The following HSF2BP variants were observed in gnomAD, a reference collection of about 807,000 sequenced individuals.
The protein encoded by HSF2BP is heat shock factor 2-binding protein.
Under a neutral mutation model 35.0 loss-of-function variants are expected in HSF2BP, and 35 were observed. The observed-to-expected ratio is 1.00, with a 90% CI of 0.76 to 1.32. The LOEUF is 1.32. HSF2BP is among the 40% of genes most tolerant of loss of function. HSF2BP has a pLI of 0.00. For missense variants in HSF2BP, 326 were observed against 321.7 expected (o/e 1.01, Z -0.10); for synonymous variants, 114 against 117.4 (o/e 0.97, Z 0.18).
At chr21:43,501,206 G>A in the HSF2BP span, among the ~76,000 whole-genome samples, 6 of 109,986 alleles carry the variant, frequency 5.5e-5, 1 homozygote, top group African/African-American at 2.6e-4. Flanking sequence ...GAGGTCAACT[G>A]CAGTCTGAAA....
chr21:43,584,277 G>C (rs1352140317), intron 8 of HSF2BP, among the ~76,000 whole-genome samples: 1 of 152,148 alleles, frequency 6.6e-6, no homozygotes, highest in Non-Finnish European at 1.5e-5. Flanking sequence ...CCATGCACTG[G>C]AGACTCTGGA....
At chr21:43,654,276 G>C (rs1234815539) in intron 3 of HSF2BP, among the ~76,000 whole-genome samples, 2 of 152,176 alleles carry the variant, frequency 1.3e-5, no homozygotes, top group African/African-American at 4.8e-5. Context: ...TCCCACTCTT[G>C]CCTGCAGGAT....
chr21:43,648,629 C>T (rs1183073720), intron 3 of HSF2BP, among the ~76,000 whole-genome samples: 1 of 152,256 alleles, frequency 6.6e-6, no homozygotes, highest in Admixed American at 6.5e-5. Flanking sequence ...ATCTGGGCCA[C>T]AATAAACTCC....
intron 8 of HSF2BP, among the ~76,000 whole-genome samples, chr21:43,585,867 T>C (rs186991563): frequency 1.3e-5 from 2 of 152,190 alleles, no homozygotes; most frequent in East Asian, 3.9e-4. Context: ...TGAGGGAAGA[T>C]TAGGGGTTTA....
chr21:43,616,731 A>C (rs1370359170), intron 6 of HSF2BP, among the ~76,000 whole-genome samples: 19 of 152,182 alleles, frequency 1.2e-4, no homozygotes, highest in Admixed American at 1.2e-3. Flanking sequence ...CTGGAGATCA[A>C]GATCATCCTG....
intron 4 of HSF2BP, among the ~76,000 whole-genome samples, chr21:43,639,653 T>C (rs1036380928): frequency 3.3e-5 from 5 of 151,880 alleles, no homozygotes; most frequent in Admixed American, 6.6e-5. Context: ...GGTTAGGACA[T>C]GGAGAAAGTG....
At chr21:43,581,822 C>CCTGCTGA (rs1555855484) in intron 8 of HSF2BP, among the ~76,000 whole-genome samples, 16 of 133,200 alleles carry the variant, frequency 1.2e-4, no homozygotes, top group African/African-American at 4.3e-4. Flanking sequence ...GTCTGTGCTG[C>CCTGCTGA]GGGAGATGAG....
chr21:43,573,610 G>A (rs1215495076), intron 8 of HSF2BP, among the ~76,000 whole-genome samples: 2 of 152,204 alleles, frequency 1.3e-5, no homozygotes, highest in African/African-American at 4.8e-5. Context: ...CCAGCTCTGG[G>A]TCACAACTGA....
intron 7 of HSF2BP, among the ~76,000 whole-genome samples, chr21:43,598,390 T>TTG (rs1475540325): frequency 3.1e-4 from 7 of 22,278 alleles, no homozygotes; most frequent in East Asian, 4.5e-3. Context: ...GGTTTTTTTG[T>TTG]TTTTTTTTTT....
chr21:43,580,726 A>G (rs775692759), intron 8 of HSF2BP, among the ~76,000 whole-genome samples: 12 of 152,272 alleles, frequency 7.9e-5, no homozygotes, highest in Non-Finnish European at 1.6e-4. Context: ...CCAACATAAT[A>G]AAACATTCAC....
chr21:43,575,256 T>C (rs1010170911), intron 8 of HSF2BP, among the ~76,000 whole-genome samples: 1 of 152,256 alleles, frequency 6.6e-6, no homozygotes, highest in South Asian at 2.1e-4. Flanking sequence ...CTGGGCTGCA[T>C]GAGCATGCTC....
chr21:43,591,362 T>G (rs2081923558), intron 8 of HSF2BP, among the ~76,000 whole-genome samples: 1 of 152,218 alleles, frequency 6.6e-6, no homozygotes, highest in Non-Finnish European at 1.5e-5. Context: ...TTCTCTTTTA[T>G]CTGACAGAAC....
intron 8 of HSF2BP, among the ~76,000 whole-genome samples, chr21:43,591,305 C>T (rs898800549): frequency 1.3e-5 from 2 of 152,148 alleles, no homozygotes; most frequent in South Asian, 2.1e-4. Context: ...TTCATAGCTG[C>T]AGTGTCTTTC....
intron 7 of HSF2BP, among the ~76,000 whole-genome samples, chr21:43,593,338 C>T (rs1266880027): frequency 1.3e-5 from 2 of 152,166 alleles, no homozygotes; most frequent in Non-Finnish European, 2.9e-5. Context: ...GGGATAGAAG[C>T]TCCCCCAGCT....
At chr21:43,467,953 CCACACTTACACCA>C in the HSF2BP span, among the ~76,000 whole-genome samples, 2 of 92,598 alleles carry the variant, frequency 2.2e-5, no homozygotes, top group South Asian at 4.0e-4. Context: ...ACCACACACA[CCACACTTACACCA>C]CACACACACC....
intron 4 of HSF2BP, among the ~76,000 whole-genome samples, chr21:43,635,344 T>C (rs1011058472): frequency 5.3e-5 from 8 of 152,134 alleles, no homozygotes; most frequent in African/African-American, 1.4e-4. Context: ...AAAATTTCTA[T>C]GGAAATTCAA....
At chr21:43,602,855 C>G (rs1274931978) in intron 7 of HSF2BP, among the ~76,000 whole-genome samples, 2 of 152,134 alleles carry the variant, frequency 1.3e-5, no homozygotes, top group Non-Finnish European at 2.9e-5. Context: ...TAGCTCCCAC[C>G]CCAGAGGCCT....
At chr21:43,593,352 T>C (rs1315869133) in intron 7 of HSF2BP, among the ~76,000 whole-genome samples, 1 of 152,174 alleles carries the variant, frequency 6.6e-6, no homozygotes, top group Non-Finnish European at 1.5e-5. Flanking sequence ...CCCAGCTTCC[T>C]GGACATTAAA....
At position 43,597,851 on chromosome 21, in the gene HSF2BP, C is replaced by T. The variant is rs2082004893; in HGVS notation, c.693-5523G>A. Among the ~76,000 whole-genome samples, 1 of 152,194 alleles carries T rather than the reference C, an allele frequency of 6.6e-6. No individual in the cohort carries two copies. The highest frequency in any genetic ancestry group is 2.1e-4 in the South Asian group (1 of 4,830). ...AAATAAAGATGGAACTGGTCACATA[C>T]TGGAGCCTAAGGCAAAAGGAAAAAT... On this transcript the variant is annotated intron_variant, in intron 7 of 8. Transcript: ENST00000291560. The surrounding 1 kb of genome is among the most constrained non-coding windows in gnomAD (Gnocchi z 4.3).
Sources: gnomAD v4.1 joint callset for allele counts (sites outside exome capture counted in the v4.1 genomes callset) on GRCh38, gnomAD v4.1.1 for gene constraint, Gnocchi (gnomAD v3.1) non-coding constraint, MANE v1.5 for transcripts, NCBI Gene and HGNC (gene_info 2026-07-23, HGNC 2026-07-21) for gene names.